UBASH3B: variants seen among roughly 807,000 people sequenced by gnomAD.
UBASH3B encodes ubiquitin-associated and SH3 domain-containing protein B.
In UBASH3B, 37 loss-of-function variants were observed where a neutral mutation model predicts 83.4. The observed-to-expected ratio is 0.44, with a 90% CI of 0.34 to 0.58. The LOEUF (loss-of-function observed/expected upper bound fraction) is 0.58, where lower values mean the gene tolerates loss of function less well. Ranked by LOEUF, UBASH3B falls within the 20% of genes least tolerant of loss-of-function variation. The pLI is 0.01. For missense variants in UBASH3B, 657 were observed against 827.2 expected, an observed-to-expected ratio of 0.79 and a Z score of 2.52; for synonymous variants, 304 against 318.3, an observed-to-expected ratio of 0.96 and a Z score of 0.48.
intron 4 of UBASH3B, among the ~76,000 whole-genome samples, chr11:122,780,171 T>G (rs1258315745): frequency 6.6e-6 from 1 of 152,106 alleles, no homozygotes; most frequent in African/African-American, 2.4e-5. Flanking sequence ...TATATCACAA[T>G]AAAATCCACT....
rs137931407 is a variant in UBASH3B, at chr11:122,671,610, G to A, written c.161+15400G>A. Among the ~76,000 whole-genome samples the A allele has an allele frequency of 2.4e-4, 36 of 152,358 alleles. No individual in the cohort carries two copies. The East Asian group carries it at 5.2e-3, about 22-fold the overall frequency. Reference sequence around the variant, plus strand: ...CCGCCTCAGACACCACAGATCTCCCGGTATCACTTTATCCATCAGGCCTTG... The same window carrying A: ...CCGCCTCAGACACCACAGATCTCCCAGTATCACTTTATCCATCAGGCCTTG... On this transcript the variant is annotated intron_variant, in intron 1 of 13. Transcript: ENST00000284273.
At chr11:122,733,590 A>G (rs141767821) in intron 1 of UBASH3B, among the ~76,000 whole-genome samples, 1,733 of 152,342 alleles carry the variant, frequency 0.011, 12 homozygotes, top group South Asian at 0.032. Flanking sequence ...TCTACTTCCC[A>G]TAATCCTCCA....
Position 122,744,557 on chromosome 11 carries a change from AGTG to A in UBASH3B, c.162-31661_162-31659del, listed in dbSNP as rs1861080562. Among the ~76,000 whole-genome samples the A allele has an allele frequency of 2.0e-5, 3 of 151,568 alleles. No homozygotes were observed. The South Asian group carries it at 6.3e-4, about 32-fold the overall frequency. ...CTGTGATCATGTGATCATGTCTAAG[AGTG>A]CCTGTGTGGGTGTGTGACTGTGTGT... On this transcript the variant is annotated intron_variant, in intron 1 of 13. Transcript: ENST00000284273.
intron 5 of UBASH3B, among the ~76,000 whole-genome samples, chr11:122,787,906 C>T (rs527380275): frequency 2.6e-5 from 4 of 152,292 alleles, no homozygotes; most frequent in East Asian, 3.9e-4. Context: ...AAGCTTTCTC[C>T]GTCTTTGTGT....
chr11:122,795,550 G>T (rs1297928490), intron 7 of UBASH3B, among the ~76,000 whole-genome samples: 1 of 152,238 alleles, frequency 6.6e-6, no homozygotes, highest in Non-Finnish European at 1.5e-5. Flanking sequence ...ATTTGGACAA[G>T]CCTTTGACTA....
chr11:122,731,239 G>A (rs2135953073), intron 1 of UBASH3B, among the ~76,000 whole-genome samples: 1 of 152,320 alleles, frequency 6.6e-6, no homozygotes, highest in East Asian at 1.9e-4. Context: ...AGGTGTGGCA[G>A]CAAAACCAGC....
chr11:122,669,573 G>A (rs10892876), intron 1 of UBASH3B, among the ~76,000 whole-genome samples: 8,981 of 152,210 alleles, frequency 0.059, 608 homozygotes, highest in African/African-American at 0.17. Flanking sequence ...ATGTGTGTAT[G>A]TAAGCGCTTG....
rs771526068 is a variant in UBASH3B, at chr11:122,809,932, T to C, written c.*46T>C. 2 of 1,598,848 alleles carry C rather than the reference T, an allele frequency of 1.3e-6. No individual in the cohort carries two copies. Among genetic ancestry groups the C allele is most frequent in the Non-Finnish European group, 1.7e-6 (2 of 1,174,236 alleles). The stretch of plus-strand genomic sequence containing the variant: ...GGAAAGGCCTTTTGGAGTGTGTCTT[T>C]CTGTGTGTTTAAAAACAGTGGGAAA... On this transcript the variant is annotated 3_prime_UTR_variant, in exon 14 of 14. Coordinates refer to ENST00000284273, the MANE Select transcript of UBASH3B (RefSeq NM_032873.5).
intron 1 of UBASH3B, among the ~76,000 whole-genome samples, chr11:122,743,755 A>T (rs1861065614): frequency 6.6e-6 from 1 of 152,172 alleles, no homozygotes; most frequent in Non-Finnish European, 1.5e-5. Flanking sequence ...ATTGCAAAGG[A>T]GCGTGATGGA....
chr11:122,675,232 A>G (rs1311285182), intron 1 of UBASH3B, among the ~76,000 whole-genome samples: 1 of 152,216 alleles, frequency 6.6e-6, no homozygotes, highest in African/African-American at 2.4e-5. Flanking sequence ...ACTTGCACAC[A>G]GAGCTCTAGC....
chr11:122,777,924 T>C (rs1484692575), intron 3 of UBASH3B, among the ~76,000 whole-genome samples: 2 of 151,798 alleles, frequency 1.3e-5, no homozygotes, highest in Non-Finnish European at 2.9e-5. Flanking sequence ...GAGACGGGGT[T>C]TCACCATGTT....
intron 1 of UBASH3B, among the ~76,000 whole-genome samples, chr11:122,771,340 C>G (rs1173760408): frequency 1.3e-5 from 2 of 151,776 alleles, no homozygotes; most frequent in African/African-American, 4.8e-5. Context: ...TCAAGTGATT[C>G]TCCTGCCTCA....
At chr11:122,774,027 T>A (rs1591807541) in intron 1 of UBASH3B, 1 of 985,206 alleles carries the variant, frequency 1.0e-6, no homozygotes, top group Non-Finnish European at 1.2e-6. Flanking sequence ...TCATGATTTG[T>A]GTTGTTTTGT....
Position 122,788,838 on chromosome 11 carries a change from A to T in UBASH3B, c.772-262A>T, listed in dbSNP as rs529147478. Among the ~76,000 whole-genome samples, 121 of 152,310 alleles carry T rather than the reference A, an allele frequency of 7.9e-4. 1 individual carries two copies. Among genetic ancestry groups the T allele is most frequent in the African/African-American group, 2.7e-3 (113 of 41,566 alleles). On this transcript the variant is annotated intron_variant, in intron 5 of 13. Transcript: ENST00000284273. ...GGTCAATTTCCAAAAACGATACTTG[A>T]ATCCTGATGGGAAATCTAGACATGC...
At chr11:122,666,229 T>C (rs531101075) in intron 1 of UBASH3B, among the ~76,000 whole-genome samples, 26 of 152,338 alleles carry the variant, frequency 1.7e-4, no homozygotes, top group Non-Finnish European at 2.8e-4. Context: ...ATGGTGCGCC[T>C]TTCAAAAACA....
At chr11:122,777,505 T>G (rs969433759) in intron 3 of UBASH3B, among the ~76,000 whole-genome samples, 1 of 152,168 alleles carries the variant, frequency 6.6e-6, no homozygotes, top group Non-Finnish European at 1.5e-5. Flanking sequence ...CTGATCTAGC[T>G]TCACACCTGT....
At chr11:122,706,106 C>CTTTTTTTTTTTTTTTCTTTTTT (rs36055058) in intron 1 of UBASH3B, among the ~76,000 whole-genome samples, 1 of 127,034 alleles carries the variant, frequency 7.9e-6, no homozygotes, top group African/African-American at 3.1e-5. Flanking sequence ...TCTTTTCTTT[C>CTTTTTTTTTTTTTTTCTTTTTT]TTTTTTTTTT....
chr11:122,752,303 A>G (rs145807128), intron 1 of UBASH3B, among the ~76,000 whole-genome samples: 3 of 152,276 alleles, frequency 2.0e-5, no homozygotes, highest in African/African-American at 7.2e-5. Flanking sequence ...AGGAGATAAG[A>G]CACACAAAAC....
chr11:122,778,907 A>AT (rs1234118686), intron 3 of UBASH3B, among the ~76,000 whole-genome samples: 1 of 152,154 alleles, frequency 6.6e-6, no homozygotes, highest in East Asian at 1.9e-4. Context: ...GCCCAGCCTG[A>AT]TTTTTTTCTA....
Sources: gnomAD v4.1 joint callset for allele counts (sites outside exome capture counted in the v4.1 genomes callset) on GRCh38, gnomAD v4.1.1 for gene constraint, MANE v1.5 for transcripts, NCBI Gene and HGNC (gene_info 2026-07-23, HGNC 2026-07-21) for gene names.